Variants in DCAF4 observed in about 807,000 individuals in gnomAD.
DCAF4 encodes the protein DDB1- and CUL4-associated factor 4.
DCAF4 carries 37 observed loss-of-function variants against 60.9 expected under a neutral mutation model. That is an observed-to-expected ratio of 0.61 (90% CI 0.47 to 0.80). The LOEUF is 0.80. Among genes scored for constraint, DCAF4 ranks in the 30% least tolerant of loss-of-function variants. The pLI is 0.00. For synonymous variants in DCAF4, 243 were observed against 254.8 expected (o/e 0.95, Z 0.44); for missense variants, 577 against 650.0 (o/e 0.89, Z 1.22).
chr14:72,943,787 C>G (rs1890362491), intron 6 of DCAF4, among the ~76,000 whole-genome samples: 1 of 152,134 alleles, frequency 6.6e-6, no homozygotes. Flanking sequence ...GAGGGAAAGC[C>G]AGGGAGAGTG....
At chr14:72,932,082 A>G (rs549512428) in intron 1 of DCAF4, among the ~76,000 whole-genome samples, 2 of 149,864 alleles carry the variant, frequency 1.3e-5, no homozygotes, top group South Asian at 4.2e-4. Context: ...TCTGCCTCCC[A>G]GGTTCAAGCG....
intron 6 of DCAF4, 135 bp from the exon 7 acceptor site, chr14:72,945,749 C>G (rs1345219287): frequency 1.7e-6 from 2 of 1,194,326 alleles, no homozygotes; most frequent in Admixed American, 4.3e-5. Flanking sequence ...CATCTCCACT[C>G]TCGCTCATGG....
chr14:72,960,226 C>A (rs568446705), downstream of DCAF4, among the ~76,000 whole-genome samples: 1 of 151,726 alleles, frequency 6.6e-6, no homozygotes, highest in South Asian at 2.1e-4. Flanking sequence ...GCGCTCTCAC[C>A]GCACCCTCCA....
intron 8 of DCAF4, among the ~76,000 whole-genome samples, chr14:72,948,431 T>C (rs1891014878): frequency 6.6e-6 from 1 of 152,224 alleles, no homozygotes; most frequent in African/African-American, 2.4e-5. Context: ...ACTATGTGTG[T>C]TCTCTAAATT....
At chr14:72,928,596 T>TATATATATAA (rs879539269) in intron 1 of DCAF4, among the ~76,000 whole-genome samples, 395 of 27,954 alleles carry the variant, frequency 0.014, 4 homozygotes, top group African/African-American at 0.046. Context: ...TATATATATA[T>TATATATATAA]ATATATATAT....
chr14:72,935,980 G>A (rs1041560573), intron 1 of DCAF4, among the ~76,000 whole-genome samples: 1 of 151,922 alleles, frequency 6.6e-6, no homozygotes, highest in Non-Finnish European at 1.5e-5. Flanking sequence ...TTGAGATGGG[G>A]TCTCACTCTA....
In DCAF4 at chr14:72,942,977, A is replaced by T. The variant is rs1594763438; in HGVS notation, c.432-17A>T. The stretch of plus-strand genomic sequence containing the variant: ...TGTCAGCTTCAGCATCCATGCCCCC[A>T]CCCTCTGTTTCTGCAGTTTAGCCCA... On this transcript the variant is annotated splice_polypyrimidine_tract_variant and intron_variant, in intron 5 of 13. Coordinates refer to ENST00000358377, the MANE Select transcript of DCAF4 (RefSeq NM_015604.4). 6.2e-7 allele frequency: 1 copy of T among 1,612,720 alleles called. No homozygotes were observed. Among genetic ancestry groups the T allele is most frequent in the Admixed American group, 1.7e-5 (1 of 59,928 alleles).
At chr14:72,955,269 AGG>A (rs1180071220) in intron 11 of DCAF4, among the ~76,000 whole-genome samples, 1 of 151,546 alleles carries the variant, frequency 6.6e-6, no homozygotes, top group African/African-American at 2.4e-5. Flanking sequence ...GGGACAGTGC[AGG>A]GGGGTGGGGG....
chr14:72,961,958 C>T (rs1892837024), downstream of DCAF4: 2 of 1,141,622 alleles, frequency 1.8e-6, no homozygotes, highest in Non-Finnish European at 2.2e-6. Context: ...CGTCGGAGCA[C>T]GTCTGTCTTT....
chr14:72,959,383 C>T lies in DCAF4; in HGVS notation c.*578C>T, dbSNP rs1240776185. 1.0e-6 allele frequency: 1 copy of T among 985,372 alleles called. No homozygotes were observed. Among genetic ancestry groups the T allele is most frequent in the African/African-American group, 1.7e-5 (1 of 57,238 alleles). 61.0% of individuals were successfully genotyped at this position (985,372 alleles called of 1,614,324 possible). ...TCTCCGGGATTCTGCTGTTATTATC[C>T]AAAGGCGTTGGAAGGAAAGATGGAT... On this transcript the variant is annotated 3_prime_UTR_variant, in exon 14 of 14. Coordinates refer to ENST00000358377, the MANE Select transcript of DCAF4 (RefSeq NM_015604.4).
At chr14:72,933,473 C>T (rs1378457164) in intron 1 of DCAF4, among the ~76,000 whole-genome samples, 2 of 151,648 alleles carry the variant, frequency 1.3e-5, no homozygotes, top group Admixed American at 1.3e-4. Context: ...GCAGAAGAAT[C>T]GCTTGAACCC....
chr14:72,942,738 C>T (rs1427620008), intron 5 of DCAF4: 1 of 475,648 alleles, frequency 2.1e-6, no homozygotes, highest in Non-Finnish European at 3.8e-6. Context: ...GATGCAGACA[C>T]AACTCCCTCT....
chr14:72,958,032 G>A (rs1174911769), intron 13 of DCAF4: 1 of 155,540 alleles, frequency 6.4e-6, no homozygotes, highest in East Asian at 1.9e-4. Context: ...GGCCAGGTGT[G>A]GTAGCTATAA....
At chr14:72,952,243 C>T (rs1323172383) in intron 9 of DCAF4, among the ~76,000 whole-genome samples, 1 of 152,204 alleles carries the variant, frequency 6.6e-6, no homozygotes, top group Admixed American at 6.5e-5. Flanking sequence ...TTGACTCCTC[C>T]TTCCTGACAG....
chr14:72,941,293 G>A lies in DCAF4; in HGVS notation c.352-452G>A, dbSNP rs181707854. Among the ~76,000 whole-genome samples, 9 of 152,310 alleles carry A rather than the reference G, an allele frequency of 5.9e-5. No individual in the cohort carries two copies. In the East Asian group the frequency reaches 1.7e-3, roughly 29 times the overall value. ...CTGTCTATTTTAAATAGAAGACCAG[G>A]ATGCATGGTTTGGAATACAGGCCAT... is the stretch of plus-strand genomic sequence containing the variant. On this transcript the variant is annotated intron_variant, in intron 4 of 13. Coordinates refer to ENST00000358377, the MANE Select transcript of DCAF4 (RefSeq NM_015604.4).
intron 1 of DCAF4, among the ~76,000 whole-genome samples, chr14:72,935,699 G>A (rs909271369): frequency 2.0e-5 from 3 of 152,114 alleles, no homozygotes; most frequent in Non-Finnish European, 4.4e-5. Context: ...TTTTATCATC[G>A]GCTGCGTCCT....
Position 72,954,385 on chromosome 14 carries a change from G to A in DCAF4, c.908-1G>A. The A allele has an allele frequency of 9.9e-6, 16 of 1,614,210 alleles. No individual in the cohort carries two copies. The highest frequency in any genetic ancestry group is 1.3e-5 in the Non-Finnish European group (15 of 1,180,016). On this transcript the variant is annotated splice_acceptor_variant, in intron 10 of 13. Coordinates refer to ENST00000358377, the MANE Select transcript of DCAF4 (RefSeq NM_015604.4). LOFTEE classifies it high-confidence loss of function. Reference sequence around the variant, plus strand: ...TACCAGCCCATCTCTGTCTCCGCCAGGCTTGTCTCGGCGGGTCCTGTTGAC... The same window carrying A: ...TACCAGCCCATCTCTGTCTCCGCCAAGCTTGTCTCGGCGGGTCCTGTTGAC...
At position 72,939,892 on chromosome 14, in the gene DCAF4, C is replaced by T. The variant is rs747694345; in HGVS notation, c.183C>T (p.Ser61=). The part of the protein sequence containing the change: ...PSTSSGTAGT[S]SVPELPGFYF... ...CCTCGTCTGGCACAGCTGGGACCTCCTCTGTGCCAGGTAAGGCCACTTGCG... is the reference window on the plus strand; with the variant it reads ...CCTCGTCTGGCACAGCTGGGACCTCTTCTGTGCCAGGTAAGGCCACTTGCG... Residue 61 remains serine (S), a synonymous_variant, in exon 3 of 14, where the codon TCC becomes TCT. Transcript: ENST00000358377. 2.5e-6 allele frequency: 4 copies of T among 1,608,180 alleles called. No homozygotes were observed. Among genetic ancestry groups the T allele is most frequent in the Admixed American group, 3.4e-5 (2 of 59,370 alleles).
chr14:72,951,552 G>T (rs1440150718), intron 8 of DCAF4, among the ~76,000 whole-genome samples: 1 of 152,082 alleles, frequency 6.6e-6, no homozygotes, highest in East Asian at 1.9e-4. Flanking sequence ...CAGAGGTTGC[G>T]GTAAGCCGAG....
Sources: gnomAD v4.1 joint callset for allele counts (sites outside exome capture counted in the v4.1 genomes callset) on GRCh38, gnomAD v4.1.1 for gene constraint, MANE v1.5 for transcripts, NCBI Gene and HGNC (gene_info 2026-07-23, HGNC 2026-07-21) for gene names.